FBXW7: variants seen among roughly 807,000 people sequenced by gnomAD.
FBXW7 encodes F-box and WD repeat domain containing 7.
In FBXW7, 11 loss-of-function variants were observed where a neutral mutation model predicts 86.3. That is an observed-to-expected ratio of 0.13 (90% CI 0.08 to 0.21). The LOEUF (loss-of-function observed/expected upper bound fraction) is 0.21. FBXW7 is among the 10% of genes least tolerant of loss of function. FBXW7 has a pLI of 1.00. For missense variants in FBXW7, 488 were observed against 847.4 expected, an observed-to-expected ratio of 0.58 and a Z score of 5.27; for synonymous variants, 313 against 297.9, an observed-to-expected ratio of 1.05 and a Z score of -0.52.
intron 2 of FBXW7, among the ~76,000 whole-genome samples, chr4:152,466,226 C>T (rs1743421039): frequency 6.6e-6 from 1 of 151,958 alleles, no homozygotes; most frequent in Non-Finnish European, 1.5e-5. Context: ...CGTCACATAA[C>T]GATAAAAAAT....
chr4:152,532,364 GC>G, intron 2 of FBXW7, among the ~76,000 whole-genome samples: 2 of 152,216 alleles, frequency 1.3e-5, no homozygotes, highest in East Asian at 3.9e-4. Flanking sequence ...CCTAATCCAG[GC>G]ATACAGCTTT....
At chr4:152,483,627 G>T (rs1745086470) in intron 2 of FBXW7, among the ~76,000 whole-genome samples, 1 of 152,044 alleles carries the variant, frequency 6.6e-6, no homozygotes, top group Admixed American at 6.5e-5. Context: ...GAGCCTGGGA[G>T]GTCAAGGCTG....
chr4:152,510,818 A>T (rs1747892743), intron 2 of FBXW7, among the ~76,000 whole-genome samples: 1 of 152,168 alleles, frequency 6.6e-6, no homozygotes, highest in Non-Finnish European at 1.5e-5. Context: ...TTTTTAAATT[A>T]TTTTTTATGT....
chr4:152,507,279 C>T (rs948488993), intron 2 of FBXW7, among the ~76,000 whole-genome samples: 10 of 152,090 alleles, frequency 6.6e-5, no homozygotes, highest in Non-Finnish European at 1.0e-4. Flanking sequence ...CTTCTGAGAT[C>T]ACTACACCAA....
intron 12 of FBXW7, 137 bp downstream of exon 12, chr4:152,325,869 C>T (rs1310267988): frequency 1.2e-5 from 7 of 585,122 alleles, no homozygotes; most frequent in South Asian, 6.7e-5. Flanking sequence ...CCAATTTTAA[C>T]GTATATAAAA....
intron 6 of FBXW7, among the ~76,000 whole-genome samples, chr4:152,342,597 T>G (rs575973173): frequency 9.8e-4 from 149 of 152,360 alleles, no homozygotes; most frequent in African/African-American, 3.4e-3. Context: ...TGGGTAGTAC[T>G]GCACCTGAAT....
chr4:152,414,873 A>G (rs1738287476), intron 2 of FBXW7, among the ~76,000 whole-genome samples: 1 of 152,094 alleles, frequency 6.6e-6, no homozygotes, highest in Non-Finnish European at 1.5e-5. Context: ...TTACTTAGAG[A>G]AAGCACAGCT....
intron 4 of FBXW7, among the ~76,000 whole-genome samples, chr4:152,350,980 T>C (rs1421553211): frequency 6.6e-6 from 1 of 152,052 alleles, no homozygotes; most frequent in East Asian, 1.9e-4. Context: ...CATTTGACTA[T>C]ATGTATATTT....
In FBXW7 at chr4:152,378,978, C is replaced by T. The variant is rs1293489472; in HGVS notation, c.502-28854G>A. On this transcript the variant is annotated intron_variant, in intron 4 of 13. Coordinates refer to ENST00000281708, the MANE Select transcript of FBXW7 (RefSeq NM_001349798.2). ...CCAAGATGGCGCCACTACACTCCAG[C>T]CTGGGAGACAGAGTGAGACACTGTC... is the stretch of plus-strand genomic sequence containing the variant. Among the ~76,000 whole-genome samples, 8 of 152,066 alleles carry T rather than the reference C, an allele frequency of 5.3e-5. No homozygotes were observed. In the South Asian group the frequency reaches 8.3e-4, roughly 16 times the overall value.
At chr4:152,527,708 G>C (rs1749642798) in intron 2 of FBXW7, among the ~76,000 whole-genome samples, 1 of 151,746 alleles carries the variant, frequency 6.6e-6, no homozygotes, top group African/African-American at 2.4e-5. Context: ...TGAGCCCAGG[G>C]GGTCACGGCT....
At chr4:152,373,629 C>T (rs553507316) in intron 4 of FBXW7, among the ~76,000 whole-genome samples, 30 of 152,020 alleles carry the variant, frequency 2.0e-4, no homozygotes, top group Non-Finnish European at 4.3e-4. Flanking sequence ...CCTCTGATCA[C>T]CTACTTAGCA....
chr4:152,445,185 T>C (rs997314690), intron 2 of FBXW7, among the ~76,000 whole-genome samples: 1 of 152,144 alleles, frequency 6.6e-6, no homozygotes, highest in Non-Finnish European at 1.5e-5. Flanking sequence ...ATATGAATAA[T>C]TTTTCCTACG....
intron 2 of FBXW7, among the ~76,000 whole-genome samples, chr4:152,438,118 G>A (rs932349043): frequency 6.6e-6 from 1 of 152,026 alleles, no homozygotes; most frequent in Non-Finnish European, 1.5e-5. Flanking sequence ...AGGTTACAGC[G>A]AGCCAATACC....
intron 4 of FBXW7, among the ~76,000 whole-genome samples, chr4:152,386,313 G>A (rs1489642737): frequency 6.6e-6 from 1 of 152,014 alleles, no homozygotes; most frequent in African/African-American, 2.4e-5. Context: ...TACCAGGTAT[G>A]ACCTTAATTT....
chr4:152,327,519 G>C (rs1007168098), intron 11 of FBXW7, among the ~76,000 whole-genome samples: 3 of 151,960 alleles, frequency 2.0e-5, no homozygotes, highest in African/African-American at 7.2e-5. Context: ...TACAGGAGGA[G>C]ATAAAAGCAA....
chr4:152,495,962 A>T (rs1322209893), intron 2 of FBXW7, among the ~76,000 whole-genome samples: 1 of 152,192 alleles, frequency 6.6e-6, no homozygotes, highest in Admixed American at 6.5e-5. Flanking sequence ...GGATCGCTTA[A>T]TCCCAGGAGT....
At chr4:152,379,478 A>T (rs1450107691) in intron 4 of FBXW7, among the ~76,000 whole-genome samples, 2 of 152,160 alleles carry the variant, frequency 1.3e-5, no homozygotes, top group Non-Finnish European at 2.9e-5. Flanking sequence ...ACAAATTATG[A>T]GGACTGCAAG....
intron 2 of FBXW7, among the ~76,000 whole-genome samples, chr4:152,429,079 A>G (rs1739639361): frequency 6.6e-6 from 1 of 152,132 alleles, no homozygotes; most frequent in Non-Finnish European, 1.5e-5. Context: ...AATCCCAGCT[A>G]CTTGGGAGGC....
chr4:152,462,018 A>C (rs761676370), intron 2 of FBXW7, among the ~76,000 whole-genome samples: 4 of 152,212 alleles, frequency 2.6e-5, no homozygotes, highest in African/African-American at 7.2e-5. Flanking sequence ...AATAATGTTA[A>C]GTGAGGACTT....
Sources: allele counts gnomAD v4.1 joint callset (sites outside exome capture counted in the v4.1 genomes callset), GRCh38; gene constraint gnomAD v4.1.1; transcripts MANE v1.5; gene names NCBI Gene and HGNC (gene_info 2026-07-23, HGNC 2026-07-21).